KLF12: variants seen among roughly 807,000 people sequenced by gnomAD.
The protein encoded by KLF12 is Krueppel-like factor 12.
KLF12 carries 9 observed loss-of-function variants against 37.8 expected under a neutral mutation model. The ratio of observed to expected loss-of-function variants is 0.24; its 90% CI spans 0.14 to 0.42. KLF12 has a LOEUF of 0.42. Among genes scored for constraint, KLF12 ranks in the 10% least tolerant of loss-of-function variants. KLF12 has a pLI of 1.00. For synonymous variants in KLF12, 208 were observed against 202.1 expected (o/e 1.03, Z -0.25); for missense variants, 411 against 516.0 (o/e 0.80, Z 1.97).
chr13:74,095,967 G>A (rs1483820578), intron 1 of KLF12, among the ~76,000 whole-genome samples: 5 of 152,012 alleles, frequency 3.3e-5, no homozygotes, highest in South Asian at 4.2e-4. Context: ...TTGTAGAATC[G>A]TCTGACAGAA....
At chr13:74,118,907 C>T (rs530949122) in intron 1 of KLF12, among the ~76,000 whole-genome samples, 7 of 151,950 alleles carry the variant, frequency 4.6e-5, no homozygotes, top group South Asian at 2.1e-4. Context: ...AGACCAAACA[C>T]GTGAAGAGAA....
intron 3 of KLF12, among the ~76,000 whole-genome samples, chr13:73,870,990 G>T (rs1291259288): frequency 1.3e-5 from 2 of 152,142 alleles, no homozygotes; most frequent in Admixed American, 6.5e-5. Context: ...CAAAGTATGA[G>T]ATATGACTGA....
chr13:74,186,244 C>A, the KLF12 span, among the ~76,000 whole-genome samples: 1 of 151,988 alleles, frequency 6.6e-6, no homozygotes, highest in South Asian at 2.1e-4. Context: ...ATATTAGCAA[C>A]AGCTTCTCTT....
intron 6 of KLF12, among the ~76,000 whole-genome samples, chr13:73,748,763 C>T (rs1878541979): frequency 6.6e-6 from 1 of 152,032 alleles, no homozygotes; most frequent in Admixed American, 6.6e-5. Flanking sequence ...TTGTATATTA[C>T]CACAGAGGAA....
At chr13:73,960,474 G>A in intron 2 of KLF12, 1 of 219,220 alleles carries the variant, frequency 4.6e-6, no homozygotes, top group South Asian at 4.9e-5. Context: ...AAAGAGTCAA[G>A]TGGGCTAAAA....
chr13:73,853,881 G>T (rs1156611493), intron 3 of KLF12, among the ~76,000 whole-genome samples: 1 of 152,018 alleles, frequency 6.6e-6, no homozygotes, highest in Non-Finnish European at 1.5e-5. Flanking sequence ...ATATAACTAG[G>T]GAATATACAT....
intron 5 of KLF12, among the ~76,000 whole-genome samples, chr13:73,768,625 A>T (rs1162655238): frequency 6.6e-6 from 1 of 152,192 alleles, no homozygotes; most frequent in Non-Finnish European, 1.5e-5. Context: ...GTTATGACCC[A>T]TTCAAGAACA....
At chr13:74,035,110 G>A (rs571964200) in intron 1 of KLF12, among the ~76,000 whole-genome samples, 15 of 152,162 alleles carry the variant, frequency 9.9e-5, no homozygotes, top group East Asian at 3.9e-4. Context: ...CAGTATTTGC[G>A]GTTATTGGTT....
At chr13:74,009,208 G>C (rs756102270) in intron 1 of KLF12, among the ~76,000 whole-genome samples, 14 of 152,186 alleles carry the variant, frequency 9.2e-5, no homozygotes, top group Non-Finnish European at 1.9e-4. Context: ...CAGCCACTTG[G>C]AATGCTCAGG....
chr13:73,850,387 A>G (rs1885270620), intron 3 of KLF12, among the ~76,000 whole-genome samples: 1 of 152,204 alleles, frequency 6.6e-6, no homozygotes, highest in Non-Finnish European at 1.5e-5. Context: ...TGAATGTCAA[A>G]TGAATCTAAA....
At chr13:74,096,719 A>G (rs1876007376) in intron 1 of KLF12, among the ~76,000 whole-genome samples, 1 of 152,168 alleles carries the variant, frequency 6.6e-6, no homozygotes, top group Non-Finnish European at 1.5e-5. Flanking sequence ...TACTAGAAGA[A>G]AAAAATTACC....
In KLF12 at chr13:73,689,730, T is replaced by C. The variant is rs1873710383; in HGVS notation, c.*5760A>G. On this transcript the variant is annotated 3_prime_UTR_variant, in exon 8 of 8. Coordinates refer to ENST00000377669, the MANE Select transcript of KLF12 (RefSeq NM_007249.5). ...TTCTTAAGATGATAATAGGAAATAT[T>C]AGGGGAAAGGGGAATGAAGAAATGT... 3 of 152,164 alleles carry C rather than the reference T, an allele frequency of 2.0e-5. No homozygotes were observed. The highest frequency in any genetic ancestry group is 6.5e-5 in the Admixed American group (1 of 15,272). 9.4% of individuals were successfully genotyped at this position (152,164 alleles called of 1,614,324 possible).
chr13:74,182,024 CA>C, the KLF12 span, among the ~76,000 whole-genome samples: 4 of 152,070 alleles, frequency 2.6e-5, no homozygotes, highest in African/African-American at 9.7e-5. Context: ...AAAAAATTCA[CA>C]GTTGAAATGG....
the KLF12 span, among the ~76,000 whole-genome samples, chr13:74,190,622 T>C: frequency 6.6e-6 from 1 of 152,204 alleles, no homozygotes; most frequent in South Asian, 2.1e-4. Flanking sequence ...ACTTTATCAT[T>C]TGAAGGAAGG....
chr13:73,739,975 A>T (rs1349070668), intron 6 of KLF12, among the ~76,000 whole-genome samples: 1 of 152,234 alleles, frequency 6.6e-6, no homozygotes. Flanking sequence ...CTTCCTAGAA[A>T]GCCATGAGAA....
chr13:74,174,241 T>C, the KLF12 span, among the ~76,000 whole-genome samples: 4 of 152,122 alleles, frequency 2.6e-5, no homozygotes. Flanking sequence ...ATTAGGCTTG[T>C]CTATTGGCTC....
At chr13:74,227,185 G>T in the KLF12 span, among the ~76,000 whole-genome samples, 3 of 152,030 alleles carry the variant, frequency 2.0e-5, no homozygotes, top group Non-Finnish European at 4.4e-5. Context: ...CAGTGCTTTT[G>T]TTCCTTCTAC....
chr13:74,108,532 C>T (rs996035402), intron 1 of KLF12, among the ~76,000 whole-genome samples: 4 of 152,086 alleles, frequency 2.6e-5, no homozygotes, highest in African/African-American at 9.7e-5. Flanking sequence ...AGTTGGGGCG[C>T]TGACCTCCCA....
intron 6 of KLF12, among the ~76,000 whole-genome samples, 177 bp downstream of exon 6, chr13:73,764,761 A>T (rs1467310598): frequency 6.6e-6 from 1 of 152,136 alleles, no homozygotes; most frequent in Non-Finnish European, 1.5e-5. Flanking sequence ...TTTGGGCTGG[A>T]AAGGAACTCT....
Sources: allele counts gnomAD v4.1 joint callset (sites outside exome capture counted in the v4.1 genomes callset), GRCh38; gene constraint gnomAD v4.1.1; transcripts MANE v1.5; gene names NCBI Gene and HGNC (gene_info 2026-07-23, HGNC 2026-07-21).